The following EYA1 variants were observed in gnomAD, a reference collection of about 807,000 sequenced individuals.
EYA1 encodes protein phosphatase EYA1.
Under a neutral mutation model 82.0 loss-of-function variants are expected in EYA1, and 16 were observed. The observed-to-expected ratio is 0.20, with a 90% confidence interval of 0.13 to 0.30. The LOEUF is 0.30. Among genes scored for constraint, EYA1 ranks in the 10% least tolerant of loss-of-function variants. The pLI is 1.00. For synonymous variants in EYA1, 261 were observed against 264.4 expected, an observed-to-expected ratio of 0.99 and a Z score of 0.12; for missense variants, 633 against 730.7, an observed-to-expected ratio of 0.87 and a Z score of 1.54.
At chr8:71,233,383 T>C (rs1345305874) in intron 12 of EYA1, among the ~76,000 whole-genome samples, 1 of 151,862 alleles carries the variant, frequency 6.6e-6, no homozygotes, top group East Asian at 1.9e-4. Flanking sequence ...GCTAACACAG[T>C]GAAACCCCGT....
intron 2 of EYA1, among the ~76,000 whole-genome samples, chr8:71,369,331 G>A (rs1006700631): frequency 2.6e-5 from 4 of 151,794 alleles, no homozygotes; most frequent in African/African-American, 4.8e-5. Flanking sequence ...TTTTCCTTAA[G>A]TGTGTAGAAT....
chr8:71,435,990 A>C (rs1294354279), intron 2 of EYA1, among the ~76,000 whole-genome samples: 3 of 152,156 alleles, frequency 2.0e-5, no homozygotes, highest in African/African-American at 7.2e-5. Context: ...TATCATTTTA[A>C]TTTTGGTCCT....
chr8:71,215,327 C>A, intron 16 of EYA1, 60 bp downstream of exon 16: 2 of 1,556,380 alleles, frequency 1.3e-6, no homozygotes, highest in Admixed American at 1.7e-5. Context: ...TATTGCCTTT[C>A]GTTTTTATTA....
At chr8:71,483,049 C>T (rs143123952) in intron 2 of EYA1, among the ~76,000 whole-genome samples, 1 of 152,190 alleles carries the variant, frequency 6.6e-6, no homozygotes, top group Non-Finnish European at 1.5e-5. Context: ...TCATGACAGA[C>T]CCCTGCTCAA....
chr8:71,501,746 G>T (rs1811822649), intron 2 of EYA1, among the ~76,000 whole-genome samples: 1 of 152,190 alleles, frequency 6.6e-6, no homozygotes, highest in South Asian at 2.1e-4. Flanking sequence ...TGACAGAACT[G>T]CTGAGCTCCA....
intron 11 of EYA1, among the ~76,000 whole-genome samples, chr8:71,264,333 T>A (rs528536472): frequency 1.2e-4 from 18 of 152,334 alleles, no homozygotes; most frequent in Middle Eastern, 6.8e-3. Flanking sequence ...ATGGGCGATA[T>A]AAACTGCTTT....
chr8:71,423,947 T>G (rs1008224237), intron 2 of EYA1, among the ~76,000 whole-genome samples: 18 of 152,248 alleles, frequency 1.2e-4, no homozygotes, highest in Non-Finnish European at 2.1e-4. Context: ...TGTTCCCCTG[T>G]CATTTGTTAA....
In EYA1 at chr8:71,347,179, T is replaced by G. The variant is rs545308070; in HGVS notation, c.124+7603A>C. Among the ~76,000 whole-genome samples, 7 of 152,330 alleles carry G rather than the reference T, an allele frequency of 4.6e-5. No homozygotes were observed. In the South Asian group the frequency reaches 1.5e-3, roughly 32 times the overall value. ...CTACTGGGGAGTCCATGTTTTAAAGTGTAAAGAATGTGGCTTTGAAATCAG... is the reference window on the plus strand; with the variant it reads ...CTACTGGGGAGTCCATGTTTTAAAGGGTAAAGAATGTGGCTTTGAAATCAG... On this transcript the variant is annotated intron_variant, in intron 3 of 17. Transcript: ENST00000340726.
chr8:71,478,439 G>A (rs548457502), intron 2 of EYA1, among the ~76,000 whole-genome samples: 70 of 152,230 alleles, frequency 4.6e-4, no homozygotes, highest in Non-Finnish European at 8.5e-4. Flanking sequence ...AAAACAGAAA[G>A]GGAGTAGTAT....
At position 71,207,199 on chromosome 8, in the gene EYA1, A is replaced by G. The variant is rs1029259864; in HGVS notation, c.1698+3957T>C. Among the ~76,000 whole-genome samples, 5 of 152,188 alleles carry G rather than the reference A, an allele frequency of 3.3e-5. No individual in the cohort carries two copies. The South Asian group carries it at 6.2e-4, about 19-fold the overall frequency. On this transcript the variant is annotated intron_variant, in intron 17 of 17. Coordinates refer to ENST00000340726, the MANE Select transcript of EYA1 (RefSeq NM_000503.6). ...GGCTCCTCCTCCTAAATTATTTCCC[A>G]TAGGTTAAATATTAAGTATTCTCTA...
intron 2 of EYA1, among the ~76,000 whole-genome samples, chr8:71,394,331 A>C (rs1056985411): frequency 6.6e-6 from 1 of 152,060 alleles, no homozygotes; most frequent in African/African-American, 2.4e-5. Flanking sequence ...TTTTGTTGCC[A>C]TTGCTTTTGG....
At chr8:71,285,299 G>A (rs1818245342) in intron 9 of EYA1, among the ~76,000 whole-genome samples, 1 of 152,198 alleles carries the variant, frequency 6.6e-6, no homozygotes, top group African/African-American at 2.4e-5. Context: ...ATGAACAAGT[G>A]TAGGGAAACA....
chr8:71,321,795 T>C lies in EYA1; in HGVS notation c.357A>G (p.Gln119=). ...YGQTQFTTGM[Q]QATAYATYPQ... ...GGTACGTGGCATAGGCTGTAGCTTG[T>C]TGCATTCCTGTGGTAAACTGTGTTT... The change falls in exon 6 of 18, where the codon CAA becomes CAG. Residue 119 remains glutamine, a synonymous_variant. Transcript: ENST00000340726. 2 of 1,614,258 alleles carry C rather than the reference T, an allele frequency of 1.2e-6. No individual in the cohort carries two copies. The highest frequency in any genetic ancestry group is 1.7e-6 in the Non-Finnish European group (2 of 1,180,056).
intron 12 of EYA1, among the ~76,000 whole-genome samples, chr8:71,219,027 G>C (rs1461252454): frequency 1.3e-5 from 2 of 152,118 alleles, no homozygotes; most frequent in East Asian, 3.8e-4. Context: ...AAAAAGCAGG[G>C]TGTTAAGATG....
intron 2 of EYA1, among the ~76,000 whole-genome samples, chr8:71,367,934 AACATTT>A (rs1827850531): frequency 6.6e-6 from 1 of 152,230 alleles, no homozygotes; most frequent in South Asian, 2.1e-4. Flanking sequence ...AGTACAATTA[AACATTT>A]TGTGGTCTTT....
rs563340898 is a variant in EYA1, at chr8:71,220,045, C to T, written c.1141-3022G>A. ...CTTAGGCAGAAGGGGCTCTGGGCAC[C>T]GTGAACCAACAGCAGCAACCTGGTT... On this transcript the variant is annotated intron_variant, in intron 12 of 17. Coordinates refer to ENST00000340726, the MANE Select transcript of EYA1 (RefSeq NM_000503.6). Among the ~76,000 whole-genome samples, 49 of 152,144 alleles carry T rather than the reference C, an allele frequency of 3.2e-4. No individual in the cohort carries two copies. In the South Asian group the frequency reaches 4.4e-3, roughly 14 times the overall value.
intron 2 of EYA1, among the ~76,000 whole-genome samples, chr8:71,486,287 G>A (rs1008351905): frequency 9.9e-5 from 15 of 152,198 alleles, no homozygotes; most frequent in East Asian, 9.7e-4. Context: ...TTGGGTTGGC[G>A]CCTCTGATCA....
chr8:71,530,963 G>A (rs1388215245), intron 2 of EYA1: 1 of 152,134 alleles, frequency 6.6e-6, no homozygotes, highest in Non-Finnish European at 1.5e-5. Flanking sequence ...AGTAAGTTAA[G>A]TATCTACCAT....
At chr8:71,458,492 T>A (rs978587731) in intron 2 of EYA1, among the ~76,000 whole-genome samples, 5 of 152,090 alleles carry the variant, frequency 3.3e-5, no homozygotes, top group Admixed American at 3.3e-4. Context: ...ACCAGCCATA[T>A]TCTATTAACC....
Sources: gnomAD v4.1 joint callset for allele counts (sites outside exome capture counted in the v4.1 genomes callset) on GRCh38, gnomAD v4.1.1 for gene constraint, MANE v1.5 for transcripts, NCBI Gene and HGNC (gene_info 2026-07-23, HGNC 2026-07-21) for gene names.